Variants in MAP1B observed in about 807,000 individuals in gnomAD.
MAP1B encodes microtubule-associated protein 1B.
A neutral mutation model predicts 176.1 loss-of-function variants in MAP1B; 12 were observed. That is an observed-to-expected ratio of 0.07 (90% CI 0.04 to 0.11). The LOEUF is 0.11. Among genes scored for constraint, MAP1B ranks in the 10% least tolerant of loss-of-function variants. The pLI is 1.00. For missense variants in MAP1B, 2,523 were observed against 2,990.5 expected (o/e 0.84, Z 3.65); for synonymous variants, 1,044 against 1,135.0 (o/e 0.92, Z 1.61).
rs999464682 is a variant in MAP1B, at chr5:72,199,608, G to A, written c.6253G>A (p.Val2085Met). 5.6e-6 allele frequency: 9 copies of A among 1,613,992 alleles called. No homozygotes were observed. Among genetic ancestry groups the A allele is most frequent in the African/African-American group, 5.3e-5 (4 of 74,878 alleles). ...CCGTCAGGATGTCGATTTATGCCTC[G>A]TGTCCTCTTGTGAATACAAGCACCC... ...EARQDVDLCL[V>M]SSCEYKHPKT... is the part of the protein sequence containing the mutation. The change falls in exon 5 of 7, where the codon GTG (valine) becomes ATG (methionine). Residue 2085 changes from valine (V) to methionine (M), a missense_variant. Val to Met is a conservative substitution (Grantham distance 21, BLOSUM62 1). Around this residue, in one of 4 missense-constraint regions of MAP1B, gnomAD observed 1,925 missense variants for 2,126.0 expected, o/e 0.91. Transcript: ENST00000296755. The surrounding 1 kb of genome is among the most constrained non-coding windows in gnomAD (Gnocchi z 4.2).
At chr5:72,115,623 T>C (rs1013992839) in intron 1 of MAP1B, 75 bp from the exon 2 acceptor site, 10 of 847,914 alleles carry the variant, frequency 1.2e-5, no homozygotes, top group Non-Finnish European at 1.9e-5. Flanking sequence ...CTGAGAAATA[T>C]TACAGTGATG....
intron 2 of MAP1B, among the ~76,000 whole-genome samples, chr5:72,170,953 T>C (rs1271696095): frequency 6.6e-6 from 1 of 151,578 alleles, no homozygotes; most frequent in Non-Finnish European, 1.5e-5. Flanking sequence ...ATCTCAAAAA[T>C]AAAATAAAAT....
At chr5:72,146,378 G>T (rs549245919) in intron 2 of MAP1B, among the ~76,000 whole-genome samples, 1 of 152,292 alleles carries the variant, frequency 6.6e-6, no homozygotes, top group East Asian at 1.9e-4. Flanking sequence ...TTTCTCAGAC[G>T]TAGCCAGTGC....
chr5:72,164,467 A>G (rs376094041), intron 2 of MAP1B, among the ~76,000 whole-genome samples: 4 of 152,296 alleles, frequency 2.6e-5, no homozygotes, highest in South Asian at 4.1e-4. Context: ...TAATTTGGCT[A>G]TTCTCTGGGT....
At chr5:72,139,189 G>C (rs1421726507) in intron 2 of MAP1B, among the ~76,000 whole-genome samples, 2 of 152,148 alleles carry the variant, frequency 1.3e-5, no homozygotes, top group Admixed American at 1.3e-4. Context: ...GTCAGTCTGA[G>C]TTAAGGTTAG....
At position 72,177,774 on chromosome 5, in the gene MAP1B, T is replaced by G. The variant is rs1746679946; in HGVS notation, c.287-5969T>G. ...GTTCCTGTACCAAGCACCTTTCATT[T>G]CTTGCTCTTAGCCATTTAGCTAAAT... On this transcript the variant is annotated intron_variant, in intron 2 of 6. Coordinates refer to ENST00000296755, the MANE Select transcript of MAP1B (RefSeq NM_005909.5). 3.9e-5 allele frequency among the ~76,000 whole-genome samples: 6 copies of G among 152,372 alleles called. No homozygotes were observed. The South Asian group carries it at 1.2e-3, about 32-fold the overall frequency.
intron 2 of MAP1B, among the ~76,000 whole-genome samples, chr5:72,130,477 C>T (rs1745711577): frequency 6.6e-6 from 1 of 152,174 alleles, no homozygotes; most frequent in South Asian, 2.1e-4. Context: ...AAAGTTAGCG[C>T]TTAGGTTTGA....
In MAP1B at chr5:72,194,942, G is replaced by T. The variant is rs1357511606; in HGVS notation, c.1587G>T (p.Val529=). The T allele has an allele frequency of 6.2e-7, 1 of 1,614,102 alleles. No individual in the cohort carries two copies. Among genetic ancestry groups the T allele is most frequent in the African/African-American group, 1.3e-5 (1 of 75,014 alleles). ...KDLTGQVPTP[V]VKQTKLKQRA... ...TCACTGGCCAGGTGCCCACTCCTGT[G>T]GTGAAACAAACAAAACTGAAACAGA... Residue 529 remains valine (V), a synonymous_variant, in exon 5 of 7, where the codon GTG becomes GTT. Coordinates refer to ENST00000296755, the MANE Select transcript of MAP1B (RefSeq NM_005909.5). The surrounding 1 kb of genome is among the most constrained non-coding windows in gnomAD (Gnocchi z 7.2).
chr5:72,196,068 T>G lies in MAP1B; in HGVS notation c.2713T>G (p.Cys905Gly). The change falls in exon 5 of 7, where the codon TGT becomes GGT. Residue 905 changes from cysteine (C) to glycine (G), a missense_variant. By Grantham distance (159) the Cys-to-Gly change is radical. Transcript: ENST00000296755. The surrounding 1 kb of genome is among the most constrained non-coding windows in gnomAD (Gnocchi z 5.3). Reference protein sequence around the residue: ...GITTTEGEGECEQTPEELEPV... With the variant: ...GITTTEGEGEGEQTPEELEPV... ...CACTACCACTGAAGGGGAGGGCGAA[T>G]GTGAACAGACACCTGAGGAGCTGGA... The G allele has an allele frequency of 1.9e-6, 3 of 1,614,066 alleles. No homozygotes were observed. The highest frequency in any genetic ancestry group is 2.5e-6 in the Non-Finnish European group (3 of 1,180,000).
chr5:72,189,978 T>G (rs1296359141), intron 4 of MAP1B, among the ~76,000 whole-genome samples: 1 of 152,206 alleles, frequency 6.6e-6, no homozygotes, highest in Non-Finnish European at 1.5e-5. Context: ...GGTCCAGTGT[T>G]GACAGGTCAT....
In MAP1B at chr5:72,205,399, TCA is replaced by T. The variant is rs1444127321; in HGVS notation, c.*161_*162del. On this transcript the variant is annotated 3_prime_UTR_variant, in exon 7 of 7. Coordinates refer to ENST00000296755, the MANE Select transcript of MAP1B (RefSeq NM_005909.5). The stretch of plus-strand genomic sequence containing the variant: ...ATGGTGATGCAAGTCACTAAATTTC[TCA>T]GTTTTTGCTGATTGCTAAGGGAAAT... 1.4e-6 allele frequency: 1 copy of T among 707,632 alleles called. No homozygotes were observed. Among genetic ancestry groups the T allele is most frequent in the African/African-American group, 1.8e-5 (1 of 55,486 alleles). The allele number at this position is 707,632 out of a possible 1,614,324, so 43.8% of individuals were successfully genotyped here.
In MAP1B at chr5:72,204,471, C is replaced by T. The variant is rs886559941; in HGVS notation, c.7252-613C>T. On this transcript the variant is annotated intron_variant, in intron 6 of 6. Transcript: ENST00000296755. The surrounding 1 kb of genome is among the most constrained non-coding windows in gnomAD (Gnocchi z 4.4). ...TATTTGTGGTTCTGTACAAAATTAC[C>T]TAGTAAATTGTGCTTGTATCATATT... Among the ~76,000 whole-genome samples, 5 of 152,152 alleles carry T rather than the reference C, an allele frequency of 3.3e-5. No individual in the cohort carries two copies. Among genetic ancestry groups the T allele is most frequent in the Admixed American group, 6.5e-5 (1 of 15,272 alleles).
intron 3 of MAP1B, among the ~76,000 whole-genome samples, chr5:72,184,607 C>T (rs554568052): frequency 6.6e-6 from 1 of 152,276 alleles, no homozygotes; most frequent in Non-Finnish European, 1.5e-5. Flanking sequence ...GACATAAGAA[C>T]TTGGTTGAAG....
At chr5:72,137,937 A>G (rs982642077) in intron 2 of MAP1B, among the ~76,000 whole-genome samples, 2 of 152,160 alleles carry the variant, frequency 1.3e-5, no homozygotes, top group African/African-American at 2.4e-5. Flanking sequence ...ATTAATATGC[A>G]TCGTATCTTG....
intron 2 of MAP1B, among the ~76,000 whole-genome samples, chr5:72,171,352 C>T (rs3098380): frequency 0.42 from 64,346 of 151,916 alleles, 13,903 homozygotes; most frequent in African/African-American, 0.49. Flanking sequence ...CTTTGGGAGG[C>T]TGAGGTGGGA....
intron 2 of MAP1B, among the ~76,000 whole-genome samples, chr5:72,132,476 C>T (rs966842737): frequency 3.9e-5 from 6 of 152,188 alleles, no homozygotes; most frequent in African/African-American, 9.6e-5. Context: ...ATTTCCTCTT[C>T]GATCTTCTTC....
At chr5:72,164,145 G>A (rs1746383560) in intron 2 of MAP1B, among the ~76,000 whole-genome samples, 2 of 151,700 alleles carry the variant, frequency 1.3e-5, no homozygotes, top group African/African-American at 4.8e-5. Context: ...TGCCCAGGCT[G>A]GTCTTGAGCT....
At position 72,197,737 on chromosome 5, in the gene MAP1B, A is replaced by T. The variant is rs143378781; in HGVS notation, c.4382A>T (p.Lys1461Ile). ...CTTTACCAAGACAAACAGGAAGGGA[A>T]AAGCACAGACTTTGCACCAATAAAA... ...TSLYQDKQEG[K>I]STDFAPIKED... The change falls in exon 5 of 7, where the codon AAA (lysine) becomes ATA (isoleucine). Residue 1461 changes from lysine to isoleucine, a missense_variant. Lys to Ile is a moderately radical substitution (Grantham distance 102). This residue lies in a region of MAP1B where 1,925 missense variants were observed against 2,126.0 expected (regional missense o/e 0.91). Coordinates refer to ENST00000296755, the MANE Select transcript of MAP1B (RefSeq NM_005909.5). 6 of 1,614,204 alleles carry T rather than the reference A, an allele frequency of 3.7e-6. 1 individual carries two copies. In the African/African-American group the frequency reaches 6.7e-5, roughly 18 times the overall value.
chr5:72,192,446 C>T (rs948133643), intron 4 of MAP1B, among the ~76,000 whole-genome samples: 2 of 152,182 alleles, frequency 1.3e-5, no homozygotes, highest in Admixed American at 1.3e-4. Context: ...TATTTTGCGG[C>T]CCTTTACATA....
Sources: allele counts gnomAD v4.1 joint callset (sites outside exome capture counted in the v4.1 genomes callset), GRCh38; gene constraint gnomAD v4.1.1; regional missense constraint gnomAD v4.1.1; non-coding constraint Gnocchi (gnomAD v3.1); transcripts MANE v1.5; gene names NCBI Gene and HGNC (gene_info 2026-07-23, HGNC 2026-07-21).